Variants in CSMD1 observed in about 807,000 individuals in gnomAD.
CSMD1 encodes the protein CUB and sushi domain-containing protein 1.
In CSMD1, 213 loss-of-function variants were observed where a neutral mutation model predicts 417.5. The ratio of observed to expected loss-of-function variants is 0.51; its 90% CI spans 0.46 to 0.57. CSMD1 has a LOEUF of 0.57. Ranked by LOEUF, CSMD1 falls within the 20% of genes least tolerant of loss-of-function variation. The pLI, the probability that CSMD1 is intolerant of heterozygous loss-of-function variation, is 0.00. For missense variants in CSMD1, 6,923 were observed against 4,529.7 expected (o/e 1.53, Z -15.17); for synonymous variants, 2,862 against 1,736.8 (o/e 1.65, Z -16.11).
chr8:4,405,372 T>C (rs1011355115), intron 3 of CSMD1, among the ~76,000 whole-genome samples: 1 of 152,214 alleles, frequency 6.6e-6, no homozygotes, highest in African/African-American at 2.4e-5. Context: ...GTTTAGATTC[T>C]GGCACAAACT....
At chr8:3,600,310 A>T (rs1296198999) in intron 8 of CSMD1, among the ~76,000 whole-genome samples, 1 of 152,218 alleles carries the variant, frequency 6.6e-6, no homozygotes, top group Non-Finnish European at 1.5e-5. Context: ...AGGGCATTTA[A>T]TGCTGTTGAA....
At chr8:4,472,498 A>T (rs1403856618) in intron 2 of CSMD1, among the ~76,000 whole-genome samples, 2 of 152,134 alleles carry the variant, frequency 1.3e-5, no homozygotes, top group Non-Finnish European at 2.9e-5. Flanking sequence ...AACCTTATTT[A>T]TGCTTTGTAA....
chr8:3,442,358 A>G (rs142386724), intron 12 of CSMD1, among the ~76,000 whole-genome samples: 2 of 152,206 alleles, frequency 1.3e-5, no homozygotes, highest in African/African-American at 4.8e-5. Context: ...TTCAGCCATC[A>G]CTCACTCACT....
At chr8:3,294,386 G>T (rs1490369448) in intron 25 of CSMD1, among the ~76,000 whole-genome samples, 1 of 152,214 alleles carries the variant, frequency 6.6e-6, no homozygotes, top group Non-Finnish European at 1.5e-5. Flanking sequence ...AGAGGTTTCT[G>T]CTGCCTTCTG....
intron 7 of CSMD1, among the ~76,000 whole-genome samples, chr8:3,672,171 G>T (rs572978328): frequency 2.6e-5 from 4 of 152,062 alleles, no homozygotes; most frequent in Non-Finnish European, 5.9e-5. Context: ...TCTCTTTATG[G>T]TCAGGGATCT....
chr8:3,772,167 C>CATAT (rs375018980), intron 5 of CSMD1, among the ~76,000 whole-genome samples: 2,412 of 44,824 alleles, frequency 0.054, 324 homozygotes, highest in African/African-American at 0.15. Flanking sequence ...GAAAGGGCAA[C>CATAT]ATATATATAT....
At chr8:3,579,898 G>C (rs1233232614) in intron 9 of CSMD1, among the ~76,000 whole-genome samples, 2 of 152,184 alleles carry the variant, frequency 1.3e-5, no homozygotes, top group African/African-American at 4.8e-5. Context: ...GAGGTCAGGA[G>C]TTTGAGACCA....
At chr8:4,763,617 C>G (rs1232897059) in intron 1 of CSMD1, among the ~76,000 whole-genome samples, 1 of 152,138 alleles carries the variant, frequency 6.6e-6, no homozygotes, top group African/African-American at 2.4e-5. Context: ...TCTTTGACCT[C>G]ATTTTACCAA....
intron 23 of CSMD1, among the ~76,000 whole-genome samples, chr8:3,334,238 C>T (rs141209830): frequency 6.6e-6 from 1 of 152,116 alleles, no homozygotes; most frequent in Non-Finnish European, 1.5e-5. Context: ...TTCAGGGACT[C>T]CAAATGATGG....
intron 12 of CSMD1, among the ~76,000 whole-genome samples, chr8:3,465,967 G>A (rs1816770769): frequency 6.6e-6 from 1 of 152,086 alleles, no homozygotes; most frequent in Non-Finnish European, 1.5e-5. Flanking sequence ...CTGGAGAGAA[G>A]GGGTGCTTAC....
chr8:4,639,367 G>C (rs537336198), intron 1 of CSMD1, among the ~76,000 whole-genome samples: 16 of 151,484 alleles, frequency 1.1e-4, no homozygotes, highest in African/African-American at 3.9e-4. Flanking sequence ...GGGGCAGACA[G>C]ATCGTTGGAA....
chr8:3,923,281 C>A (rs189803675), intron 5 of CSMD1, among the ~76,000 whole-genome samples: 4 of 152,180 alleles, frequency 2.6e-5, no homozygotes, highest in Non-Finnish European at 5.9e-5. Context: ...ACTCTGGAGC[C>A]CAGGCTGTCC....
intron 5 of CSMD1, among the ~76,000 whole-genome samples, chr8:3,949,365 C>G (rs760797653): frequency 6.6e-6 from 1 of 152,168 alleles, no homozygotes; most frequent in Non-Finnish European, 1.5e-5. Flanking sequence ...CTCAATCTCA[C>G]AGTCCCTGGA....
intron 12 of CSMD1, among the ~76,000 whole-genome samples, chr8:3,412,169 T>C (rs1274465854): frequency 7.1e-6 from 1 of 141,560 alleles, no homozygotes; most frequent in African/African-American, 2.8e-5. Context: ...TATATACATA[T>C]ATACATATAT....
intron 10 of CSMD1, among the ~76,000 whole-genome samples, chr8:3,507,057 G>C (rs1229163701): frequency 6.6e-6 from 1 of 152,062 alleles, no homozygotes; most frequent in Non-Finnish European, 1.5e-5. Context: ...GCCTAACATA[G>C]AGCTTGGTGT....
chr8:3,707,574 T>G (rs552341156), intron 7 of CSMD1, among the ~76,000 whole-genome samples: 4 of 152,282 alleles, frequency 2.6e-5, no homozygotes, highest in Non-Finnish European at 4.4e-5. Context: ...CTCTCGTTTG[T>G]AAGAAAAGCA....
chr8:4,207,767 A>G (rs780547860), intron 3 of CSMD1, among the ~76,000 whole-genome samples: 1 of 152,262 alleles, frequency 6.6e-6, no homozygotes, highest in Non-Finnish European at 1.5e-5. Context: ...ATCTACTAGG[A>G]TAGCAAACCA....
intron 2 of CSMD1, among the ~76,000 whole-genome samples, chr8:4,440,599 T>C (rs772045729): frequency 5.0e-4 from 76 of 152,222 alleles, no homozygotes; most frequent in Admixed American, 1.4e-3. Flanking sequence ...TAGCATTTTC[T>C]CTGGAAAGAT....
chr8:4,667,174 T>G (rs908510334), intron 1 of CSMD1, among the ~76,000 whole-genome samples: 7 of 152,212 alleles, frequency 4.6e-5, no homozygotes, highest in Non-Finnish European at 7.3e-5. Flanking sequence ...TATGTAGGCC[T>G]ATTTGTGGAC....
Sources: gnomAD v4.1 joint callset for allele counts (sites outside exome capture counted in the v4.1 genomes callset) on GRCh38, gnomAD v4.1.1 for gene constraint, MANE v1.5 for transcripts, NCBI Gene and HGNC (gene_info 2026-07-23, HGNC 2026-07-21) for gene names.